FBXL17: variants seen among roughly 807,000 people sequenced by gnomAD.
The protein encoded by FBXL17 is F-box/LRR-repeat protein 17.
FBXL17 carries 22 observed loss-of-function variants against 66.2 expected under a neutral mutation model. That is an observed-to-expected ratio of 0.33 (90% CI 0.24 to 0.47). The LOEUF (loss-of-function observed/expected upper bound fraction) is 0.47. Ranked by LOEUF, FBXL17 falls within the 20% of genes least tolerant of loss-of-function variation. The pLI is 1.00. For synonymous variants in FBXL17, 474 were observed against 400.5 expected (o/e 1.18, Z -2.19); for missense variants, 878 against 948.2 (o/e 0.93, Z 0.97).
Position 108,376,402 on chromosome 5 carries a change from T to C in FBXL17, c.993+4297A>G, listed in dbSNP as rs375574244. 2.4e-4 allele frequency among the ~76,000 whole-genome samples: 37 copies of C among 152,260 alleles called. No individual in the cohort carries two copies. In the South Asian group the frequency reaches 7.5e-3, roughly 31 times the overall value. ...CCAGAGAATAAACACAAAAATTAAT[T>C]TTAGAGCTAATAAGCAAATATTTTT... On this transcript the variant is annotated intron_variant, in intron 1 of 8. Transcript: ENST00000542267.
chr5:108,375,095 T>C (rs1030850390), intron 1 of FBXL17, among the ~76,000 whole-genome samples: 1 of 152,172 alleles, frequency 6.6e-6, no homozygotes, highest in African/African-American at 2.4e-5. Context: ...GGTTGACACC[T>C]ATAATCCCAG....
intron 7 of FBXL17, among the ~76,000 whole-genome samples, chr5:107,886,685 T>C (rs865812292): frequency 4.2e-4 from 64 of 152,250 alleles, no homozygotes; most frequent in African/African-American, 1.4e-3. Flanking sequence ...ATAATGATAG[T>C]ATGGATTATA....
At chr5:107,980,073 T>C (rs1027033834) in intron 7 of FBXL17, among the ~76,000 whole-genome samples, 3 of 152,194 alleles carry the variant, frequency 2.0e-5, no homozygotes, top group African/African-American at 4.8e-5. Flanking sequence ...CGTGAACCTA[T>C]GTAGGATGTG....
chr5:108,349,675 AATAAATG>A (rs1254547287), intron 3 of FBXL17, among the ~76,000 whole-genome samples: 1 of 152,196 alleles, frequency 6.6e-6, no homozygotes, highest in Non-Finnish European at 1.5e-5. Context: ...ATATTTGTTA[AATAAATG>A]AAAAGGCTGA....
intron 6 of FBXL17, among the ~76,000 whole-genome samples, chr5:108,113,382 T>A (rs1164717085): frequency 6.6e-6 from 1 of 152,216 alleles, no homozygotes; most frequent in East Asian, 1.9e-4. Flanking sequence ...GCATTATGTG[T>A]ATATATTTAA....
rs1477169818 is a variant in FBXL17, at chr5:108,298,160, T to C, written c.1506+50239A>G. The C allele has an allele frequency of 4.1e-6, 4 of 974,502 alleles. No homozygotes were observed. In the African/African-American group the frequency reaches 5.3e-5, roughly 13 times the overall value. 60.4% of individuals were successfully genotyped at this position (974,502 alleles called of 1,614,324 possible). On this transcript the variant is annotated intron_variant, in intron 4 of 8. Transcript: ENST00000542267. ...TTTTCTTTTTAGGGAGCAAGAAACA[T>C]AAAGTACCCTAGAAATTCTAGAAAG...
intron 4 of FBXL17, among the ~76,000 whole-genome samples, chr5:108,248,526 C>T (rs906880142): frequency 6.6e-6 from 1 of 151,908 alleles, no homozygotes; most frequent in Non-Finnish European, 1.5e-5. Context: ...GAATATAGGA[C>T]TAAAACGGTA....
chr5:108,365,694 G>A (rs1748616748), intron 2 of FBXL17, among the ~76,000 whole-genome samples: 1 of 152,080 alleles, frequency 6.6e-6, no homozygotes, highest in Non-Finnish European at 1.5e-5. Flanking sequence ...TCTGGGACTT[G>A]CAACTGATAT....
At chr5:107,922,062 C>A (rs1347980764) in intron 7 of FBXL17, among the ~76,000 whole-genome samples, 1 of 152,124 alleles carries the variant, frequency 6.6e-6, no homozygotes, top group Non-Finnish European at 1.5e-5. Context: ...GCCAATAAGA[C>A]CTGCTTTTTC....
intron 4 of FBXL17, among the ~76,000 whole-genome samples, chr5:108,232,793 A>ATATATATATATAT (rs1755416020): frequency 9.1e-6 from 1 of 109,788 alleles, no homozygotes; most frequent in African/African-American, 3.3e-5. Flanking sequence ...ATATATATAT[A>ATATATATATATAT]TATATATATA....
At chr5:108,335,942 G>A (rs1030629336) in intron 4 of FBXL17, among the ~76,000 whole-genome samples, 1 of 151,866 alleles carries the variant, frequency 6.6e-6, no homozygotes, top group African/African-American at 2.4e-5. Context: ...TTAATCCAAG[G>A]ATAAACAATA....
chr5:108,025,924 A>AT (rs34707246), intron 6 of FBXL17, among the ~76,000 whole-genome samples: 49,256 of 152,052 alleles, frequency 0.32, 9,432 homozygotes, highest in Admixed American at 0.43. Flanking sequence ...AGAAAGAATA[A>AT]TGATATCTGA....
At chr5:108,093,845 T>A (rs1749275172) in intron 6 of FBXL17, among the ~76,000 whole-genome samples, 1 of 152,196 alleles carries the variant, frequency 6.6e-6, no homozygotes, top group South Asian at 2.1e-4. Context: ...AAATGTATGA[T>A]AATGTACAAA....
chr5:108,364,573 T>C (rs1389962623), intron 3 of FBXL17, among the ~76,000 whole-genome samples, 165 bp downstream of exon 3: 1 of 152,016 alleles, frequency 6.6e-6, no homozygotes, highest in Non-Finnish European at 1.5e-5. Context: ...ATTATAACCA[T>C]GGCACTCTAG....
chr5:107,997,312 C>T (rs981841308), intron 7 of FBXL17, among the ~76,000 whole-genome samples: 14 of 152,128 alleles, frequency 9.2e-5, no homozygotes, highest in African/African-American at 3.1e-4. Flanking sequence ...TAGAGCTGGT[C>T]TCTCTGCTCC....
chr5:107,977,122 A>T (rs1232715446), intron 7 of FBXL17, among the ~76,000 whole-genome samples: 1 of 152,196 alleles, frequency 6.6e-6, no homozygotes, highest in Non-Finnish European at 1.5e-5. Context: ...TTATTCATGT[A>T]TTATACTAAG....
chr5:107,997,651 T>C (rs1028775243), intron 7 of FBXL17, among the ~76,000 whole-genome samples: 2 of 152,208 alleles, frequency 1.3e-5, no homozygotes, highest in African/African-American at 4.8e-5. Context: ...TGTCTGATGT[T>C]CTTGTCTGTC....
At position 107,989,069 on chromosome 5, in the gene FBXL17, A is replaced by T. The variant is rs181852311; in HGVS notation, c.1822+31856T>A. 5.8e-3 allele frequency among the ~76,000 whole-genome samples: 882 copies of T among 152,162 alleles called. 8 individuals are homozygous for T. The highest frequency in any genetic ancestry group is 8.2e-3 in the Non-Finnish European group (557 of 67,920). Reference sequence around the variant, plus strand: ...GGCGACATTTTGATACATACATACAATGTGTAATGATTAAGTCATGGTAAT... The same window carrying T: ...GGCGACATTTTGATACATACATACATTGTGTAATGATTAAGTCATGGTAAT... On this transcript the variant is annotated intron_variant, in intron 7 of 8. Transcript: ENST00000542267.
chr5:108,152,402 A>AT (rs1355312779), intron 6 of FBXL17, among the ~76,000 whole-genome samples: 9 of 152,056 alleles, frequency 5.9e-5, no homozygotes, highest in Admixed American at 5.2e-4. Context: ...TATATAGTCA[A>AT]TTTTTTTTAT....
Sources: allele counts gnomAD v4.1 joint callset (sites outside exome capture counted in the v4.1 genomes callset), GRCh38; gene constraint gnomAD v4.1.1; transcripts MANE v1.5; gene names NCBI Gene and HGNC (gene_info 2026-07-23, HGNC 2026-07-21).